Variants in LRRK2 observed in about 807,000 individuals in gnomAD.
The protein encoded by LRRK2 is leucine rich repeat kinase 2.
A neutral mutation model predicts 302.6 loss-of-function variants in LRRK2; 203 were observed. The observed-to-expected ratio is 0.67, with a 90% CI of 0.60 to 0.75. LRRK2 has a LOEUF of 0.75. LRRK2 is among the 30% of genes least tolerant of loss of function. LRRK2 has a pLI of 0.00. For missense variants in LRRK2, 2,830 were observed against 2,951.0 expected (o/e 0.96, Z 0.95); for synonymous variants, 1,066 against 1,031.9 (o/e 1.03, Z -0.63).
intron 8 of LRRK2, 45 bp downstream of exon 8, chr12:40,249,990 C>T: frequency 6.2e-7 from 1 of 1,607,252 alleles, no homozygotes; most frequent in Non-Finnish European, 8.5e-7. Context: ...AGGCATTTGA[C>T]ATCAAATATG....
At chr12:40,240,302 C>T (rs773666466) in intron 5 of LRRK2, among the ~76,000 whole-genome samples, 181 bp from the exon 6 acceptor site, 7 of 152,238 alleles carry the variant, frequency 4.6e-5, no homozygotes, top group South Asian at 2.1e-4. Flanking sequence ...TTTGAATCTC[C>T]GTAGCTTGTT....
At chr12:40,288,730 T>C (rs1944026730) in intron 20 of LRRK2, among the ~76,000 whole-genome samples, 1 of 151,874 alleles carries the variant, frequency 6.6e-6, no homozygotes, top group African/African-American at 2.4e-5. Flanking sequence ...GCCATTCTTA[T>C]TTTTGTGTGA....
At chr12:40,332,744 C>T (rs1394124037) in intron 39 of LRRK2, among the ~76,000 whole-genome samples, 1 of 152,034 alleles carries the variant, frequency 6.6e-6, no homozygotes, top group African/African-American at 2.4e-5. Context: ...GACATAATCT[C>T]TTTTAATGTG....
intron 20 of LRRK2, among the ~76,000 whole-genome samples, chr12:40,290,440 C>T (rs867832123): frequency 1.3e-5 from 2 of 152,082 alleles, no homozygotes; most frequent in Middle Eastern, 3.4e-3. Context: ...TCCCATTCCA[C>T]AATTTTCTGG....
chr12:40,235,950 T>C (rs1941447114), intron 4 of LRRK2, among the ~76,000 whole-genome samples: 1 of 152,042 alleles, frequency 6.6e-6, no homozygotes. Flanking sequence ...CTTCTCCTTA[T>C]CTCTTTTCTC....
intron 43 of LRRK2, among the ~76,000 whole-genome samples, chr12:40,350,114 G>A (rs1017247679): frequency 2.0e-5 from 3 of 152,180 alleles, no homozygotes; most frequent in Non-Finnish European, 2.9e-5. Flanking sequence ...AATGAAGGTG[G>A]AAATGTGGAC....
chr12:40,251,248 A>G lies in LRRK2; in HGVS notation c.975A>G (p.Leu325=). The G allele has an allele frequency of 6.3e-7, 1 of 1,595,372 alleles. No homozygotes were observed. The highest frequency in any genetic ancestry group is 8.6e-7 in the Non-Finnish European group (1 of 1,167,344). Residue 325 remains leucine, a synonymous_variant, in exon 9 of 51, where the codon TTA becomes TTG. Transcript: ENST00000298910. ...TTTTTCAAGCTGAGACTATTTTCTT[A>G]AATCAAGATTTAGAGGAAAAGAATG... ...CLALLTETIF[L]NQDLEEKNEN...
At chr12:40,307,527 ATATT>A (rs1242055588) in intron 28 of LRRK2, among the ~76,000 whole-genome samples, 1 of 152,012 alleles carries the variant, frequency 6.6e-6, no homozygotes, top group African/African-American at 2.4e-5. Flanking sequence ...ATAATAGTTT[ATATT>A]TATTTATGAT....
chr12:40,351,655 C>G lies in LRRK2; in HGVS notation c.6498C>G (p.Ser2166Arg). ...VATHHNSRNA[S>R]IWLGCGHTDR... ...CACATCACAACAGCAGGAATGCAAG[C>G]ATTTGGCTGGGCTGTGGGCACACCG... The change falls in exon 44 of 51, where the codon AGC (serine) becomes AGG (arginine). Residue 2166 changes from serine (S) to arginine (R), a missense_variant. Physicochemically the swap from Ser to Arg is moderately radical, Grantham distance 110. Transcript: ENST00000298910. 1 of 1,614,154 alleles carries G rather than the reference C, an allele frequency of 6.2e-7. No individual in the cohort carries two copies. Among genetic ancestry groups the G allele is most frequent in the African/African-American group, 1.3e-5 (1 of 75,024 alleles).
At chr12:40,246,633 G>A (rs1347840191) in intron 7 of LRRK2, among the ~76,000 whole-genome samples, 1 of 152,016 alleles carries the variant, frequency 6.6e-6, no homozygotes, top group East Asian at 1.9e-4. Context: ...CTCTTTTATT[G>A]AGCATCCTGA....
intron 30 of LRRK2, among the ~76,000 whole-genome samples, chr12:40,310,132 T>C (rs868106088): frequency 4.6e-5 from 7 of 152,222 alleles, no homozygotes; most frequent in Middle Eastern, 3.4e-3. Flanking sequence ...TAGGAGTGAA[T>C]AACTCATCTT....
chr12:40,225,419 C>T, intron 1 of LRRK2, 136 bp from the exon 2 acceptor site: 1 of 1,279,362 alleles, frequency 7.8e-7, no homozygotes. Flanking sequence ...CATATCCTTT[C>T]CTTAGGGCAG....
chr12:40,325,070 G>C (rs1362153265), intron 38 of LRRK2, among the ~76,000 whole-genome samples: 4 of 152,052 alleles, frequency 2.6e-5, no homozygotes, highest in African/African-American at 9.7e-5. Flanking sequence ...GGTGTATCAC[G>C]AGGTCAGGAG....
At chr12:40,242,803 T>TAAAAAAAAAA in intron 6 of LRRK2, among the ~76,000 whole-genome samples, 1 of 2,344 alleles carries the variant, frequency 4.3e-4, no homozygotes, top group African/African-American at 5.2e-4. Context: ...TTTCTCCACA[T>TAAAAAAAAAA]CAAAAAAAAA....
At position 40,314,066 on chromosome 12, in the gene LRRK2, A is replaced by G; in HGVS notation, c.4631A>G (p.Glu1544Gly). The change falls in exon 32 of 51, where the codon GAA (glutamate) becomes GGA (glycine). Residue 1544 changes from glutamate to glycine, a missense_variant. Glu to Gly is a moderately conservative substitution (Grantham distance 98). Coordinates refer to ENST00000298910, the MANE Select transcript of LRRK2 (RefSeq NM_198578.4). ...ILSERKNVPI[E>G]FPVIDRKRLL... is the part of the protein sequence containing the mutation. ...TCGGAGCGTAAAAATGTGCCAATTG[A>G]ATTTCCCGTAATTGACCGGAAACGA... 1 of 1,612,706 alleles carries G rather than the reference A, an allele frequency of 6.2e-7. No individual in the cohort carries two copies. The highest frequency in any genetic ancestry group is 2.2e-5 in the East Asian group (1 of 44,832).
chr12:40,294,519 C>T (rs75802691), intron 21 of LRRK2, among the ~76,000 whole-genome samples: 4,357 of 152,038 alleles, frequency 0.029, 222 homozygotes, highest in African/African-American at 0.096. Context: ...TATGCTCTTT[C>T]GAATTTATAT....
At chr12:40,348,560 T>C (rs376674750) in intron 43 of LRRK2, 51 bp downstream of exon 43, 23 of 1,080,094 alleles carry the variant, frequency 2.1e-5, no homozygotes, top group Non-Finnish European at 3.0e-5. Flanking sequence ...TTTGCATATA[T>C]GCATATATAT....
Position 40,308,611 on chromosome 12 carries a change from A to G in LRRK2, c.4104A>G (p.Thr1368=). 6.2e-7 allele frequency: 1 copy of G among 1,614,072 alleles called. No individual in the cohort carries two copies. The highest frequency in any genetic ancestry group is 8.5e-7 in the Non-Finnish European group (1 of 1,179,968). The change falls in exon 29 of 51, where the codon ACA becomes ACG. Residue 1368 remains threonine, a synonymous_variant. Transcript: ENST00000298910. ...KKSDLGMQSA[T]VGIDVKDWPI... ...CAGATCTTGGAATGCAAAGTGCCAC[A>G]GTTGGCATAGATGTGAAAGACTGGC...
chr12:40,245,972 A>G (rs1941960453), intron 7 of LRRK2, among the ~76,000 whole-genome samples: 1 of 151,948 alleles, frequency 6.6e-6, no homozygotes, highest in Non-Finnish European at 1.5e-5. Flanking sequence ...ATGAGTCAGA[A>G]TTATTAATAT....
Sources: allele counts gnomAD v4.1 joint callset (sites outside exome capture counted in the v4.1 genomes callset), GRCh38; gene constraint gnomAD v4.1.1; transcripts MANE v1.5; gene names NCBI Gene and HGNC (gene_info 2026-07-23, HGNC 2026-07-21).